Variants in PARP8 observed in about 807,000 individuals in gnomAD.
The protein encoded by PARP8 is poly(ADP-ribose) polymerase family member 8, also known as protein mono-ADP-ribosyltransferase PARP8.
Under a neutral mutation model 124.1 loss-of-function variants are expected in PARP8, and 51 were observed. The observed-to-expected ratio is 0.41, with a 90% confidence interval of 0.33 to 0.52. The LOEUF (loss-of-function observed/expected upper bound fraction) is 0.52, where lower values mean the gene tolerates loss of function less well. Among genes scored for constraint, PARP8 ranks in the 20% least tolerant of loss-of-function variants. PARP8 has a pLI of 0.21. For synonymous variants in PARP8, 391 were observed against 361.5 expected (o/e 1.08, Z -0.93); for missense variants, 860 against 1,018.9 (o/e 0.84, Z 2.12).
intron 2 of PARP8, among the ~76,000 whole-genome samples, chr5:50,711,028 A>G (rs897747654): frequency 2.0e-5 from 3 of 152,150 alleles, no homozygotes; most frequent in African/African-American, 7.2e-5. Flanking sequence ...TAGCCTCAGC[A>G]TATATTAGTG....
At chr5:50,794,085 G>A (rs27466) in intron 10 of PARP8, 122 bp from the exon 11 acceptor site, 203,070 of 1,040,636 alleles carry the variant, frequency 0.2, 24,241 homozygotes, top group African/African-American at 0.51. Context: ...CTAAATTAGC[G>A]TCTCACTGAT....
Position 50,763,511 on chromosome 5 carries a change from C to T in PARP8, c.518+269C>T, listed in dbSNP as rs557739393. Among the ~76,000 whole-genome samples the T allele has an allele frequency of 3.3e-5, 5 of 151,522 alleles. No homozygotes were observed. The South Asian group carries it at 8.3e-4, about 25-fold the overall frequency. On this transcript the variant is annotated intron_variant, in intron 7 of 25. Coordinates refer to ENST00000281631, the MANE Select transcript of PARP8 (RefSeq NM_024615.4). Reference sequence around the variant, plus strand: ...TCTTAAGTAGTGTCATAATTAATTCCTAGAATAGATTTGGCCAGCTGGGCC... The same window carrying T: ...TCTTAAGTAGTGTCATAATTAATTCTTAGAATAGATTTGGCCAGCTGGGCC...
intron 25 of PARP8, among the ~76,000 whole-genome samples, chr5:50,840,804 T>G (rs991635256): frequency 6.6e-6 from 1 of 151,906 alleles, no homozygotes; most frequent in African/African-American, 2.4e-5. Flanking sequence ...ATATTTGTAA[T>G]TGGGCTGTGT....
chr5:50,792,522 A>T (rs1742078858), intron 10 of PARP8, among the ~76,000 whole-genome samples: 3 of 151,974 alleles, frequency 2.0e-5, no homozygotes, highest in South Asian at 4.2e-4. Context: ...TTAGGCAAGC[A>T]CTTGCCGTCT....
Position 50,832,785 on chromosome 5 carries a change from G to T in PARP8, c.2238G>T (p.Met746Ile). ...MSSISFGYSG[M>I]NKKQKVSAKD... ...TTATTTTGCCGATGTTTTCAGGGAT[G>T]AACAAGAAACAGAAGGTGTCAGCCA... is the stretch of plus-strand genomic sequence containing the variant. The change falls in exon 23 of 26, where the codon ATG becomes ATT. Residue 746 changes from methionine (M) to isoleucine (I), a missense_variant. Met to Ile is a conservative substitution (Grantham distance 10, BLOSUM62 1). This residue lies in a region of PARP8 where 343 missense variants were observed against 474.7 expected (regional missense o/e 0.72). Transcript: ENST00000281631. 1.2e-6 allele frequency: 2 copies of T among 1,613,326 alleles called. No homozygotes were observed. The highest frequency in any genetic ancestry group is 2.2e-5 in the South Asian group (2 of 91,066).
At chr5:50,841,909 G>GT in intron 25 of PARP8, 57 bp from the exon 26 acceptor site, 4 of 1,271,796 alleles carry the variant, frequency 3.1e-6, no homozygotes, top group Non-Finnish European at 4.5e-6. Flanking sequence ...TTTCTAAGCT[G>GT]TTTTAAATGC....
chr5:50,830,096 C>A, intron 22 of PARP8, 135 bp downstream of exon 22: 1 of 1,067,120 alleles, frequency 9.4e-7, no homozygotes, highest in Non-Finnish European at 1.2e-6. Context: ...ATGTCAAAAG[C>A]AAAAACAAAG....
intron 2 of PARP8, among the ~76,000 whole-genome samples, chr5:50,724,217 C>A (rs1020051832): frequency 3.9e-5 from 6 of 152,046 alleles, no homozygotes; most frequent in African/African-American, 1.4e-4. Context: ...CCTTTCCTTT[C>A]TGCTTTTGGA....
chr5:50,721,750 G>T (rs1440160157), intron 2 of PARP8, among the ~76,000 whole-genome samples: 1 of 152,020 alleles, frequency 6.6e-6, no homozygotes, highest in Non-Finnish European at 1.5e-5. Context: ...GCTAGAAAAG[G>T]TGAGTGAATT....
At chr5:50,699,946 C>T (rs1229322545) in intron 2 of PARP8, among the ~76,000 whole-genome samples, 1 of 152,008 alleles carries the variant, frequency 6.6e-6, no homozygotes, top group African/African-American at 2.4e-5. Flanking sequence ...AGTAAAAGTT[C>T]CATTAACTTG....
At chr5:50,747,084 A>G (rs1758619606) in intron 2 of PARP8, among the ~76,000 whole-genome samples, 1 of 151,362 alleles carries the variant, frequency 6.6e-6, no homozygotes, top group Admixed American at 6.6e-5. Flanking sequence ...AAATGTATCA[A>G]ACTTGGTCTG....
At chr5:50,766,271 A>G (rs557518571) in intron 7 of PARP8, among the ~76,000 whole-genome samples, 58 of 152,318 alleles carry the variant, frequency 3.8e-4, no homozygotes, top group Non-Finnish European at 7.1e-4. Context: ...TCTTTTGTAT[A>G]GGAAGTGAGT....
At chr5:50,813,991 T>G (rs1389893455) in intron 14 of PARP8, among the ~76,000 whole-genome samples, 4 of 152,026 alleles carry the variant, frequency 2.6e-5, no homozygotes, top group Admixed American at 6.6e-5. Context: ...TCTAAAAGAG[T>G]ATTGTTAAAA....
chr5:50,825,015 C>A, intron 18 of PARP8, 40 bp downstream of exon 18: 2 of 1,476,696 alleles, frequency 1.4e-6, no homozygotes, highest in Non-Finnish European at 1.9e-6. Context: ...AAACAGCATC[C>A]TTTTCTACTG....
chr5:50,799,815 A>T (rs1371605809), intron 14 of PARP8, among the ~76,000 whole-genome samples: 3 of 152,078 alleles, frequency 2.0e-5, no homozygotes, highest in Non-Finnish European at 2.9e-5. Context: ...GAGCACAAAG[A>T]GCTCTCTCAC....
At chr5:50,692,718 A>G (rs1206624551) in intron 2 of PARP8, among the ~76,000 whole-genome samples, 1 of 152,044 alleles carries the variant, frequency 6.6e-6, no homozygotes, top group Non-Finnish European at 1.5e-5. Flanking sequence ...CCTCTAATCC[A>G]TTAGACTAAA....
chr5:50,839,069 C>T (rs1747890824), intron 25 of PARP8, among the ~76,000 whole-genome samples: 2 of 151,944 alleles, frequency 1.3e-5, no homozygotes, highest in Non-Finnish European at 2.9e-5. Flanking sequence ...TCAAGTGATC[C>T]TCCCACCAAG....
chr5:50,745,318 A>G (rs544600159), intron 2 of PARP8, among the ~76,000 whole-genome samples: 3 of 152,296 alleles, frequency 2.0e-5, no homozygotes, highest in South Asian at 4.1e-4. Flanking sequence ...GAGAACATTC[A>G]TTCATGTAAA....
chr5:50,746,097 T>C (rs921545591), intron 2 of PARP8, among the ~76,000 whole-genome samples: 1 of 152,248 alleles, frequency 6.6e-6, no homozygotes, highest in Non-Finnish European at 1.5e-5. Flanking sequence ...ATCTGATCTC[T>C]CTTTTCTTCA....
Sources: allele counts gnomAD v4.1 joint callset (sites outside exome capture counted in the v4.1 genomes callset), GRCh38; gene constraint gnomAD v4.1.1; regional missense constraint gnomAD v4.1.1; transcripts MANE v1.5; gene names NCBI Gene and HGNC (gene_info 2026-07-23, HGNC 2026-07-21).